The following KIAA1217 variants were observed in gnomAD, a reference collection of about 807,000 sequenced individuals.
KIAA1217 encodes the protein KIAA1217, also known as sickle tail protein homolog.
In KIAA1217, 88 loss-of-function variants were observed where a neutral mutation model predicts 163.9. The ratio of observed to expected loss-of-function variants is 0.54; its 90% CI spans 0.45 to 0.64. KIAA1217 has a LOEUF of 0.64. Ranked by LOEUF, KIAA1217 falls within the 30% of genes least tolerant of loss-of-function variation. KIAA1217 has a pLI of 0.00. For missense variants in KIAA1217, 2,372 were observed against 2,475.0 expected (o/e 0.96, Z 0.88); for synonymous variants, 903 against 923.1 (o/e 0.98, Z 0.39).
rs530992369 is a variant in KIAA1217, at chr10:24,220,446, CTTTTTTTT to C, written c.354+556_354+563del. 1.4e-3 allele frequency among the ~76,000 whole-genome samples: 146 copies of C among 103,062 alleles called. 2 individuals carry two copies. The highest frequency in any genetic ancestry group is 5.3e-3 in the Middle Eastern group (1 of 190). The allele number at this position is 103,062 out of a possible 152,430, so 67.6% of individuals were successfully genotyped here. A position where few individuals can be genotyped will look rare whatever the true frequency, so the allele number is the denominator to read the frequency against. On this transcript the variant is annotated intron_variant, in intron 2 of 20. Coordinates refer to ENST00000376454, the MANE Select transcript of KIAA1217 (RefSeq NM_019590.5). ...ACATTAGGGTTTTGTTTCTGCTCTT[CTTTTTTTT>C]TTTTTTTTTTTTTTTTTTGAGATGG... is the stretch of plus-strand genomic sequence containing the variant.
At chr10:24,515,573 A>G (rs1252636252) in intron 10 of KIAA1217, among the ~76,000 whole-genome samples, 1 of 152,196 alleles carries the variant, frequency 6.6e-6, no homozygotes, top group Non-Finnish European at 1.5e-5. Context: ...TGAGTAAAAG[A>G]GGCAAAGAGC....
chr10:24,418,674 T>C (rs910656200), intron 3 of KIAA1217, among the ~76,000 whole-genome samples: 1 of 152,204 alleles, frequency 6.6e-6, no homozygotes, highest in Non-Finnish European at 1.5e-5. Flanking sequence ...CGCCTAAATC[T>C]GCTAATCACT....
At chr10:24,536,997 T>C (rs922223821) in intron 17 of KIAA1217, 104 bp downstream of exon 17, 12 of 1,361,424 alleles carry the variant, frequency 8.8e-6, no homozygotes, top group Non-Finnish European at 1.2e-5. Context: ...TCTGTCTTTT[T>C]TCTCTCTCTT....
At chr10:24,466,569 G>A (rs868027219) in intron 5 of KIAA1217, 17 of 985,176 alleles carry the variant, frequency 1.7e-5, no homozygotes, top group Admixed American at 6.2e-5. Context: ...TGGGTAATAC[G>A]AAATGGTCTT....
At chr10:24,142,164 A>G (rs968624655) in intron 2 of KIAA1217, among the ~76,000 whole-genome samples, 3 of 152,166 alleles carry the variant, frequency 2.0e-5, no homozygotes, top group Non-Finnish European at 4.4e-5. Context: ...TTCATCAGAA[A>G]TACCTGATAT....
chr10:24,447,386 C>T (rs1365204753), intron 5 of KIAA1217, among the ~76,000 whole-genome samples: 1 of 152,106 alleles, frequency 6.6e-6, no homozygotes, highest in African/African-American at 2.4e-5. Context: ...TGCCTCCCCA[C>T]TCCTCCCACC....
intron 1 of KIAA1217, among the ~76,000 whole-genome samples, chr10:23,838,783 C>G (rs923243196): frequency 1.3e-5 from 2 of 152,120 alleles, no homozygotes; most frequent in African/African-American, 4.8e-5. Context: ...TTTTAATGGA[C>G]TTTGTAAGAG....
intron 4 of KIAA1217, among the ~76,000 whole-genome samples, chr10:24,434,086 G>A (rs1004707836): frequency 1.5e-5 from 2 of 132,438 alleles, no homozygotes; most frequent in Admixed American, 1.7e-4. Flanking sequence ...GCCCAGGCTG[G>A]AGTACAATGG....
At chr10:24,053,226 A>G (rs1377837853) in intron 2 of KIAA1217, among the ~76,000 whole-genome samples, 1 of 152,192 alleles carries the variant, frequency 6.6e-6, no homozygotes, top group East Asian at 1.9e-4. Flanking sequence ...CCCTTCTTAT[A>G]TACCATAAAC....
chr10:23,996,455 C>A (rs932596771), intron 1 of KIAA1217, among the ~76,000 whole-genome samples: 3 of 152,138 alleles, frequency 2.0e-5, no homozygotes, highest in African/African-American at 7.2e-5. Flanking sequence ...ACAGCAAACA[C>A]AACGGCAGAA....
chr10:23,852,582 T>C (rs1839409049), intron 1 of KIAA1217, among the ~76,000 whole-genome samples: 1 of 152,236 alleles, frequency 6.6e-6, no homozygotes, highest in Admixed American at 6.5e-5. Flanking sequence ...GGGGATGCCA[T>C]TGAATCTGTA....
At chr10:24,199,511 A>T (rs1372729040) in intron 2 of KIAA1217, among the ~76,000 whole-genome samples, 1 of 152,174 alleles carries the variant, frequency 6.6e-6, no homozygotes, top group Non-Finnish European at 1.5e-5. Context: ...ACAGACATTC[A>T]AACTATAGCC....
chr10:24,370,839 A>G (rs2051538470), intron 2 of KIAA1217, among the ~76,000 whole-genome samples: 1 of 152,174 alleles, frequency 6.6e-6, no homozygotes, highest in Non-Finnish European at 1.5e-5. Context: ...CAGCCTCTCA[A>G]AGTGCTGCAA....
chr10:23,894,080 A>G (rs569049445), intron 1 of KIAA1217, among the ~76,000 whole-genome samples: 105 of 151,898 alleles, frequency 6.9e-4, no homozygotes, highest in African/African-American at 2.4e-3. Flanking sequence ...AAACTGGCAC[A>G]AGACAGGGAT....
rs538736852 is a variant in KIAA1217, at chr10:24,067,260, C to T, written c.-171+59886C>T. 1.3e-4 allele frequency among the ~76,000 whole-genome samples: 20 copies of T among 152,244 alleles called. 1 individual carries two copies. The highest frequency in any genetic ancestry group is 6.5e-4 in the Admixed American group (10 of 15,280). On this transcript the variant is annotated intron_variant, in intron 2 of 18. Coordinates refer to the KIAA1217 transcript ENST00000376462. ...CCCGTTTTTCTGCTCTGTTTTTTCC[C>T]CATCTTTGTGATTTTATCTACCTTT... is the stretch of plus-strand genomic sequence containing the variant.
chr10:24,545,474 C>G (rs1472791116), intron 20 of KIAA1217: 1 of 1,276,342 alleles, frequency 7.8e-7, no homozygotes, highest in African/African-American at 1.5e-5. Context: ...TCTATGTTGA[C>G]TGTATTGTGT....
chr10:24,532,773 C>T (rs150078370), intron 15 of KIAA1217, among the ~76,000 whole-genome samples: 831 of 152,164 alleles, frequency 5.5e-3, no homozygotes, highest in Non-Finnish European at 6.7e-3. Flanking sequence ...GTGGGAATTA[C>T]GGGAGCTACA....
intron 1 of KIAA1217, among the ~76,000 whole-genome samples, chr10:24,212,254 G>A (rs1157834974): frequency 5.9e-5 from 9 of 152,150 alleles, no homozygotes; most frequent in African/African-American, 9.7e-5. Flanking sequence ...CTGGGAGAAC[G>A]GAGTTGCCAT....
intron 1 of KIAA1217, among the ~76,000 whole-genome samples, chr10:23,992,271 G>T (rs1234090333): frequency 6.6e-6 from 1 of 152,212 alleles, no homozygotes; most frequent in African/African-American, 2.4e-5. Flanking sequence ...ACTAAGTGAA[G>T]AATCTAAAAA....
Sources: gnomAD v4.1 joint callset for allele counts (sites outside exome capture counted in the v4.1 genomes callset) on GRCh38, gnomAD v4.1.1 for gene constraint, MANE v1.5 for transcripts, NCBI Gene and HGNC (gene_info 2026-07-23, HGNC 2026-07-21) for gene names.